The following NPAT variants were observed in gnomAD, a reference collection of about 807,000 sequenced individuals.
NPAT encodes the protein nuclear protein, coactivator of histone transcription, also known as protein NPAT.
NPAT carries 52 observed loss-of-function variants against 130.7 expected under a neutral mutation model. The observed-to-expected ratio is 0.40, with a 90% confidence interval of 0.32 to 0.50. The LOEUF is 0.50. NPAT is among the 20% of genes least tolerant of loss of function. NPAT has a pLI of 0.68. For synonymous variants in NPAT, 580 were observed against 584.8 expected (o/e 0.99, Z 0.12); for missense variants, 1,687 against 1,662.6 (o/e 1.01, Z -0.26).
intron 4 of NPAT, among the ~76,000 whole-genome samples, chr11:108,191,858 A>T (rs1207283542): frequency 6.6e-6 from 1 of 152,216 alleles, no homozygotes; most frequent in South Asian, 2.1e-4. Flanking sequence ...TTCTAACAAT[A>T]TATCTGCCTT....
intron 15 of NPAT, among the ~76,000 whole-genome samples, chr11:108,164,199 G>C (rs529094240): frequency 6.6e-6 from 1 of 152,204 alleles, no homozygotes; most frequent in Non-Finnish European, 1.5e-5. Context: ...GACGTGTTGT[G>C]CAAGACTGGA....
chr11:108,199,648 G>A (rs1341108414), intron 1 of NPAT, among the ~76,000 whole-genome samples: 1 of 152,154 alleles, frequency 6.6e-6, no homozygotes. Context: ...AGGCTTGCTG[G>A]GGAAGATTTT....
At chr11:108,195,976 T>C (rs1481011242) in intron 2 of NPAT, among the ~76,000 whole-genome samples, 1 of 152,230 alleles carries the variant, frequency 6.6e-6, no homozygotes, top group Non-Finnish European at 1.5e-5. Context: ...TTTAATTTTT[T>C]ATAAAGTTGA....
Position 108,222,627 on chromosome 11 carries a change from A to G in NPAT, c.-91T>C, listed in dbSNP as rs1028004464. 5 of 1,423,366 alleles carry G rather than the reference A, an allele frequency of 3.5e-6. No individual in the cohort carries two copies. Among genetic ancestry groups the G allele is most frequent in the Non-Finnish European group, 4.9e-6 (5 of 1,019,158 alleles). The allele number at this position is 1,423,366 out of a possible 1,614,324, so 88.2% of individuals were successfully genotyped here. A position where few individuals can be genotyped will look rare whatever the true frequency, so the allele number is the denominator to read the frequency against. On this transcript the variant is annotated 5_prime_UTR_variant, in exon 1 of 18. Coordinates refer to ENST00000278612, the MANE Select transcript of NPAT (RefSeq NM_002519.3). ...CTCCTGCGCCGCATCTCCTGGTTCC[A>G]GTGGCGGCACTGAACTCGCGGCAAT... is the stretch of plus-strand genomic sequence containing the variant.
chr11:108,197,137 T>C (rs2078230247), intron 2 of NPAT, among the ~76,000 whole-genome samples, 165 bp downstream of exon 2: 1 of 152,224 alleles, frequency 6.6e-6, no homozygotes, highest in Non-Finnish European at 1.5e-5. Context: ...CATAAATTTG[T>C]AAAAAGAAAA....
chr11:108,174,958 A>G (rs1239571490), intron 12 of NPAT, among the ~76,000 whole-genome samples: 2 of 152,166 alleles, frequency 1.3e-5, no homozygotes, highest in Non-Finnish European at 2.9e-5. Flanking sequence ...CAGCATTCAC[A>G]ATTTAGGACA....
chr11:108,222,351 G>T, intron 1 of NPAT, 149 bp downstream of exon 1: 1 of 823,090 alleles, frequency 1.2e-6, no homozygotes, highest in Non-Finnish European at 2.1e-6. Context: ...CAGAACCTCC[G>T]AATGACGAAG....
intron 1 of NPAT, among the ~76,000 whole-genome samples, chr11:108,205,363 C>T (rs939917181): frequency 6.6e-6 from 1 of 152,184 alleles, no homozygotes; most frequent in African/African-American, 2.4e-5. Context: ...GGGGCTCAAT[C>T]GATCCTCCCA....
At position 108,172,267 on chromosome 11, in the gene NPAT, A is replaced by C. The variant is rs1369509908; in HGVS notation, c.2717T>G (p.Leu906Ter). The change falls in exon 13 of 18, where the codon TTA becomes TGA. Residue 906 changes from leucine (L) to a stop codon, truncating the protein, a stop_gained. Transcript: ENST00000278612. LOFTEE classifies it high-confidence loss of function. ...PMTAQPLPPQLQTPPRSNSVF... is the reference protein window; with the variant it reads ...PMTAQPLPPQ ...ACTGTTTGACCTTGGTGGTGTCTGT[A>C]ACTGAGGTGGTAGAGGTTGAGCAGT... 1 of 1,613,944 alleles carries C rather than the reference A, an allele frequency of 6.2e-7. No individual in the cohort carries two copies. Among genetic ancestry groups the C allele is most frequent in the Non-Finnish European group, 8.5e-7 (1 of 1,179,764 alleles).
intron 6 of NPAT, among the ~76,000 whole-genome samples, chr11:108,188,644 G>C (rs1224111175): frequency 1.3e-5 from 2 of 152,120 alleles, no homozygotes; most frequent in African/African-American, 4.8e-5. Context: ...TTTCAAGTAT[G>C]CAACAAATAA....
At chr11:108,178,423 T>G (rs901838915) in intron 10 of NPAT, among the ~76,000 whole-genome samples, 1 of 147,538 alleles carries the variant, frequency 6.8e-6, no homozygotes, top group African/African-American at 2.7e-5. Context: ...TTATTATTTT[T>G]GTGTGTGTGT....
intron 1 of NPAT, among the ~76,000 whole-genome samples, chr11:108,201,108 C>T (rs1591410914): frequency 6.6e-6 from 1 of 152,282 alleles, no homozygotes; most frequent in African/African-American, 2.4e-5. Context: ...TAAGGCTTGT[C>T]TTAATTTTCT....
chr11:108,162,138 ACTGAATGAC>A lies in NPAT; in HGVS notation c.3044_3052del (p.Gly1015_Ser1017del). 6.2e-7 allele frequency: 1 copy of A among 1,614,118 alleles called. No individual in the cohort carries two copies. The highest frequency in any genetic ancestry group is 8.5e-7 in the Non-Finnish European group (1 of 1,179,932). On this transcript the variant is annotated inframe_deletion, in exon 16 of 18. Coordinates refer to ENST00000278612, the MANE Select transcript of NPAT (RefSeq NM_002519.3). ...TACTCACTTTTGTGCATGACATCCA[ACTGAATGAC>A]CTGACGAATCCACCAAATTATTTAC...
At chr11:108,182,306 G>C (rs1021800890) in intron 10 of NPAT, among the ~76,000 whole-genome samples, 1 of 152,164 alleles carries the variant, frequency 6.6e-6, no homozygotes, top group Non-Finnish European at 1.5e-5. Flanking sequence ...TGTCAAAGAA[G>C]AGTGAGAGCT....
chr11:108,185,606 T>A (rs1366587517), intron 8 of NPAT, 112 bp from the exon 9 acceptor site: 2 of 749,446 alleles, frequency 2.7e-6, no homozygotes, highest in African/African-American at 3.5e-5. Context: ...TAAACCTAAA[T>A]GGAAACTCAG....
In NPAT at chr11:108,167,188, A is replaced by G. The variant is rs539314640; in HGVS notation, c.3010+2556T>C. On this transcript the variant is annotated intron_variant, in intron 15 of 17. Coordinates refer to ENST00000278612, the MANE Select transcript of NPAT (RefSeq NM_002519.3). ...TCACATCATTTTCCATAACAGTTTA[A>G]TTCCCTCTCTTCAAATCTTTACACC... Among the ~76,000 whole-genome samples, 7 of 152,068 alleles carry G rather than the reference A, an allele frequency of 4.6e-5. 1 individual carries two copies. The South Asian group carries it at 1.5e-3, about 32-fold the overall frequency.
Position 108,185,406 on chromosome 11 carries a change from G to C in NPAT, c.815C>G (p.Thr272Ser), listed in dbSNP as rs1418452118. ...ATTTTAAACATATATAGCTTACCTA[G>C]TTAAAAATTTATTTATGTTTTCTGC... ...KLAENINKFLTSDNNIAQVPK... is the reference protein window; with the variant it reads ...KLAENINKFLSSDNNIAQVPK... The change falls in exon 9 of 18, where the codon ACT (threonine) becomes AGT (serine). Residue 272 changes from threonine to serine, a missense_variant. Physicochemically the swap from Thr to Ser is moderately conservative, Grantham distance 58. Around this residue, in one of 3 missense-constraint regions of NPAT, gnomAD observed 1,379 missense variants for 1,346.6 expected, o/e 1.02. Transcript: ENST00000278612. 3.8e-6 allele frequency: 6 copies of C among 1,595,876 alleles called. No individual in the cohort carries two copies. The highest frequency in any genetic ancestry group is 5.2e-6 in the Non-Finnish European group (6 of 1,164,384).
At chr11:108,213,229 C>A (rs750759984) in intron 1 of NPAT, among the ~76,000 whole-genome samples, 1 of 147,224 alleles carries the variant, frequency 6.8e-6, no homozygotes, top group Admixed American at 6.8e-5. Flanking sequence ...GCCAAGATTG[C>A]GCCATTGCAC....
At chr11:108,174,210 T>C (rs555437885) in intron 12 of NPAT, among the ~76,000 whole-genome samples, 22 of 152,330 alleles carry the variant, frequency 1.4e-4, no homozygotes, top group African/African-American at 5.1e-4. Context: ...CTTCTGACTT[T>C]AATTTATCTA....
Sources: allele counts gnomAD v4.1 joint callset (sites outside exome capture counted in the v4.1 genomes callset), GRCh38; gene constraint gnomAD v4.1.1; regional missense constraint gnomAD v4.1.1; transcripts MANE v1.5; gene names NCBI Gene and HGNC (gene_info 2026-07-23, HGNC 2026-07-21).